Variants in BANK1 observed in about 807,000 individuals in gnomAD.
BANK1 encodes B cell scaffold protein with ankyrin repeats 1, also known as B-cell scaffold protein with ankyrin repeats.
In BANK1, 95 loss-of-function variants were observed where a neutral mutation model predicts 94.5. That is an observed-to-expected ratio of 1.00 (90% CI 0.85 to 1.19). The LOEUF is 1.19. Among genes scored for constraint, BANK1 ranks in the 50% most tolerant of loss-of-function variants. BANK1 has a pLI of 0.00. For synonymous variants in BANK1, 334 were observed against 308.4 expected, an observed-to-expected ratio of 1.08 and a Z score of -0.87; for missense variants, 987 against 932.2, an observed-to-expected ratio of 1.06 and a Z score of -0.77.
In BANK1 at chr4:101,991,587, G is replaced by A. The variant is rs1725708346; in HGVS notation, c.1207-29927G>A. ...GACTTTAAAAATGAGCCCAGGAGGTGGTTTAATTAGCCTATGGACAAGTGA... is the reference window on the plus strand; with the variant it reads ...GACTTTAAAAATGAGCCCAGGAGGTAGTTTAATTAGCCTATGGACAAGTGA... On this transcript the variant is annotated intron_variant, in intron 7 of 16. Coordinates refer to ENST00000322953, the MANE Select transcript of BANK1 (RefSeq NM_017935.5). Among the ~76,000 whole-genome samples, 2 of 152,162 alleles carry A rather than the reference G, an allele frequency of 1.3e-5. 1 individual carries two copies. The highest frequency in any genetic ancestry group is 4.1e-4 in the South Asian group (2 of 4,820).
chr4:101,936,310 T>C (rs761504801), intron 7 of BANK1, among the ~76,000 whole-genome samples: 1 of 150,142 alleles, frequency 6.7e-6, no homozygotes, highest in African/African-American at 2.4e-5. Flanking sequence ...TACATGCATA[T>C]GTACACATAT....
intron 1 of BANK1, among the ~76,000 whole-genome samples, chr4:101,827,344 C>T (rs1175864495): frequency 6.6e-6 from 1 of 151,558 alleles, no homozygotes; most frequent in East Asian, 1.9e-4. Context: ...TCTTTGACTA[C>T]TTTTTAGATT....
chr4:102,062,380 T>G (rs1728447337), intron 12 of BANK1: 4 of 152,184 alleles, frequency 2.6e-5, no homozygotes, highest in Non-Finnish European at 5.9e-5. Context: ...GTAGGAGAGA[T>G]CTGTAAGGCA....
chr4:101,977,418 T>C (rs1474718151), intron 7 of BANK1, among the ~76,000 whole-genome samples: 1 of 152,176 alleles, frequency 6.6e-6, no homozygotes, highest in African/African-American at 2.4e-5. Flanking sequence ...ACAGCACTAA[T>C]GACGCAGATT....
intron 10 of BANK1, chr4:102,032,399 G>A (rs1461275525): frequency 6.6e-6 from 1 of 152,132 alleles, no homozygotes; most frequent in East Asian, 1.9e-4. Flanking sequence ...GGTGGGTACA[G>A]AGAGATATAA....
At chr4:101,973,725 T>C (rs531517465) in intron 7 of BANK1, among the ~76,000 whole-genome samples, 4 of 152,134 alleles carry the variant, frequency 2.6e-5, no homozygotes, top group African/African-American at 9.6e-5. Context: ...CATTTCGGGG[T>C]TGTTAATGTT....
At chr4:102,026,897 A>G (rs553830817) in intron 9 of BANK1, among the ~76,000 whole-genome samples, 59 of 152,198 alleles carry the variant, frequency 3.9e-4, no homozygotes, top group Admixed American at 7.2e-4. Context: ...GTTTACCAAC[A>G]TAAGCTTTAT....
intron 2 of BANK1, among the ~76,000 whole-genome samples, chr4:101,849,199 T>C (rs954824465): frequency 6.6e-6 from 1 of 152,032 alleles, no homozygotes; most frequent in Admixed American, 6.5e-5. Flanking sequence ...GTTTGGTACT[T>C]TTTTACTCTT....
At chr4:101,958,459 C>T (rs1311761525) in intron 7 of BANK1, among the ~76,000 whole-genome samples, 13 of 139,206 alleles carry the variant, frequency 9.3e-5, no homozygotes, top group African/African-American at 3.4e-4. Context: ...AGACTGCCCC[C>T]CATGCTTTTT....
intron 5 of BANK1, among the ~76,000 whole-genome samples, chr4:101,882,876 T>C (rs996972676): frequency 1.3e-5 from 2 of 152,220 alleles, no homozygotes; most frequent in Admixed American, 1.3e-4. Context: ...GCATTTCTTC[T>C]TAGCTGTCCG....
At chr4:101,981,850 G>T (rs961228671) in intron 7 of BANK1, 15 of 152,076 alleles carry the variant, frequency 9.9e-5, no homozygotes, top group African/African-American at 3.6e-4. Context: ...CCAAGTTTTG[G>T]CTGCCACAAA....
At chr4:102,011,074 A>C (rs1192422045) in intron 7 of BANK1, among the ~76,000 whole-genome samples, 2 of 152,220 alleles carry the variant, frequency 1.3e-5, no homozygotes, top group African/African-American at 4.8e-5. Context: ...CAATTGTTTT[A>C]AACTTACACA....
At position 101,791,893 on chromosome 4, in the gene BANK1, A is replaced by C. The variant is rs142420228; in HGVS notation, c.70+943A>C. Among the ~76,000 whole-genome samples the C allele has an allele frequency of 6.3e-3, 964 of 152,324 alleles. 10 individuals carry two copies. Among genetic ancestry groups the C allele is most frequent in the African/African-American group, 0.022 (926 of 41,560 alleles). ...TGTCAATGAAAAGTGACAAGAAAGG[A>C]CTTAGAGCCCATAACTTAATATTAT... On this transcript the variant is annotated intron_variant, in intron 1 of 16. Transcript: ENST00000322953.
intron 3 of BANK1, among the ~76,000 whole-genome samples, chr4:101,856,044 G>A (rs1011740485): frequency 1.3e-5 from 2 of 152,162 alleles, no homozygotes; most frequent in Admixed American, 1.3e-4. Context: ...ATACAGGAGA[G>A]CGTTATGGGA....
At chr4:101,840,806 C>G (rs1453296493) in intron 2 of BANK1, among the ~76,000 whole-genome samples, 1 of 152,108 alleles carries the variant, frequency 6.6e-6, no homozygotes, top group Non-Finnish European at 1.5e-5. Flanking sequence ...TCTTGAAATC[C>G]TCTAGCACCT....
At chr4:101,818,128 T>C (rs1385627503) in intron 1 of BANK1, among the ~76,000 whole-genome samples, 1 of 152,204 alleles carries the variant, frequency 6.6e-6, no homozygotes, top group Non-Finnish European at 1.5e-5. Flanking sequence ...TTATATACTG[T>C]ATGGCATATA....
chr4:102,000,592 G>A (rs1397563623), intron 7 of BANK1, among the ~76,000 whole-genome samples: 1 of 152,158 alleles, frequency 6.6e-6, no homozygotes, highest in Non-Finnish European at 1.5e-5. Context: ...ATTGCTTGCA[G>A]ATTGGGAAGT....
chr4:101,964,965 T>C (rs1424537692), intron 7 of BANK1, among the ~76,000 whole-genome samples: 1 of 136,540 alleles, frequency 7.3e-6, no homozygotes, highest in Non-Finnish European at 1.5e-5. Context: ...CCTTCCTGTG[T>C]CCATGTGTTC....
chr4:102,022,172 A>G (rs906309335), intron 8 of BANK1, among the ~76,000 whole-genome samples: 2 of 152,114 alleles, frequency 1.3e-5, no homozygotes, highest in Non-Finnish European at 2.9e-5. Context: ...CTTTATTGGC[A>G]TACAGCTCAA....
Sources: gnomAD v4.1 joint callset for allele counts (sites outside exome capture counted in the v4.1 genomes callset) on GRCh38, gnomAD v4.1.1 for gene constraint, MANE v1.5 for transcripts, NCBI Gene and HGNC (gene_info 2026-07-23, HGNC 2026-07-21) for gene names.